GOLIM4: variants seen among roughly 807,000 people sequenced by gnomAD.
The protein encoded by GOLIM4 is 130 kDa golgi-localized phosphoprotein.
GOLIM4 carries 71 observed loss-of-function variants against 107.4 expected under a neutral mutation model. The ratio of observed to expected loss-of-function variants is 0.66; its 90% CI spans 0.55 to 0.81. GOLIM4 has a LOEUF of 0.81. GOLIM4 is among the 30% of genes least tolerant of loss of function. GOLIM4 has a pLI of 0.00. For missense variants in GOLIM4, 830 were observed against 826.1 expected (o/e 1.00, Z -0.06); for synonymous variants, 327 against 294.8 (o/e 1.11, Z -1.12).
chr3:168,068,959 C>T (rs1720699217), intron 1 of GOLIM4, among the ~76,000 whole-genome samples: 1 of 151,904 alleles, frequency 6.6e-6, no homozygotes, highest in Admixed American at 6.6e-5. Flanking sequence ...GCCTCAGCCT[C>T]CTGAGTAGCT....
At chr3:168,071,243 G>A (rs927765042) in intron 1 of GOLIM4, among the ~76,000 whole-genome samples, 1 of 152,178 alleles carries the variant, frequency 6.6e-6, no homozygotes, top group Non-Finnish European at 1.5e-5. Context: ...TTGCATTCAA[G>A]TTCCTTCTAT....
At chr3:168,046,819 A>AAAT in intron 3 of GOLIM4, 131 bp downstream of exon 3, 1 of 440,094 alleles carries the variant, frequency 2.3e-6, no homozygotes, top group African/African-American at 2.1e-5. Context: ...AAAAAAAAAA[A>AAAT]GGGGGTGTCA....
intron 14 of GOLIM4, among the ~76,000 whole-genome samples, chr3:168,014,629 A>C (rs1184768747): frequency 7.2e-6 from 1 of 138,552 alleles, no homozygotes; most frequent in African/African-American, 3.4e-5. Context: ...ACATTGATGC[A>C]AAAATCCTCA....
At chr3:168,027,306 A>G (rs2108224519) in intron 12 of GOLIM4, among the ~76,000 whole-genome samples, 1 of 151,752 alleles carries the variant, frequency 6.6e-6, no homozygotes. Flanking sequence ...AATACCTAAC[A>G]CTCTAGCAGA....
At position 168,051,712 on chromosome 3, in the gene GOLIM4, G is replaced by A. The variant is rs78068343; in HGVS notation, c.188-3347C>T. 1.3e-3 allele frequency among the ~76,000 whole-genome samples: 201 copies of A among 152,280 alleles called. 1 individual carries two copies. The East Asian group carries it at 0.014, about 10-fold the overall frequency. The stretch of plus-strand genomic sequence containing the variant: ...TATCTTACTCAGAACTGGACAAGCC[G>A]TCGTTATAACAGCAGCTTCTAATCC... On this transcript the variant is annotated intron_variant, in intron 1 of 15. Coordinates refer to ENST00000470487, the MANE Select transcript of GOLIM4 (RefSeq NM_014498.5).
intron 1 of GOLIM4, among the ~76,000 whole-genome samples, chr3:168,076,264 T>C (rs1281300244): frequency 1.3e-5 from 2 of 152,226 alleles, no homozygotes; most frequent in East Asian, 3.8e-4. Flanking sequence ...AAGTAAAGCA[T>C]TACATATGTT....
At chr3:168,043,047 T>G (rs973756766) in intron 5 of GOLIM4, among the ~76,000 whole-genome samples, 1 of 152,212 alleles carries the variant, frequency 6.6e-6, no homozygotes, top group African/African-American at 2.4e-5. Flanking sequence ...AGAAGCATTA[T>G]AGCATTTAGT....
rs1163874710 is a variant in GOLIM4, at chr3:168,032,778, A to G, written c.918T>C (p.Ala306=). The G allele has an allele frequency of 6.2e-7, 1 of 1,613,966 alleles. No homozygotes were observed. The highest frequency in any genetic ancestry group is 8.5e-7 in the Non-Finnish European group (1 of 1,179,970). ...PGRAEDTKLY[A]PTHKEAEFQA... ...GAAATTCTGCCTCCTTATGGGTGGGAGCATAGAGTTTTGTGTCTTCTGCTC... is the reference window on the plus strand; with the variant it reads ...GAAATTCTGCCTCCTTATGGGTGGGGGCATAGAGTTTTGTGTCTTCTGCTC... Residue 306 remains alanine, a synonymous_variant, in exon 9 of 16, where the codon GCT becomes GCC. Coordinates refer to ENST00000470487, the MANE Select transcript of GOLIM4 (RefSeq NM_014498.5).
At chr3:168,016,015 G>A (rs1245294748) in intron 14 of GOLIM4, among the ~76,000 whole-genome samples, 2 of 133,502 alleles carry the variant, frequency 1.5e-5, no homozygotes, top group Non-Finnish European at 3.0e-5. Flanking sequence ...CAAAAGCAAT[G>A]GCAACAAAAG....
chr3:168,025,092 C>T lies in GOLIM4; in HGVS notation c.1627G>A (p.Ala543Thr). 5 of 1,602,834 alleles carry T rather than the reference C, an allele frequency of 3.1e-6. No homozygotes were observed. Among genetic ancestry groups the T allele is most frequent in the Non-Finnish European group, 4.3e-6 (5 of 1,175,918 alleles). Residue 543 changes from alanine (A) to threonine (T), a missense_variant, in exon 13 of 16, where the codon GCA becomes ACA. By Grantham distance (58) the Ala-to-Thr change is moderately conservative. Transcript: ENST00000470487. ...EADPESEADR[A>T]AVEDINPADD... The stretch of plus-strand genomic sequence containing the variant: ...GCTGGGTTTATATCTTCTACAGCTG[C>T]CCTCTGTAAAATTTTAATAAAAAGC...
chr3:168,091,889 T>TA (rs1721934377), intron 1 of GOLIM4, among the ~76,000 whole-genome samples: 1 of 152,194 alleles, frequency 6.6e-6, no homozygotes, highest in Admixed American at 6.5e-5. Flanking sequence ...CATACTCAGA[T>TA]AAAAAATTCA....
chr3:168,064,413 T>C (rs1489352380), intron 1 of GOLIM4, among the ~76,000 whole-genome samples: 1 of 152,188 alleles, frequency 6.6e-6, no homozygotes, highest in Non-Finnish European at 1.5e-5. Context: ...TATCAATTAT[T>C]TCATGAAATT....
At chr3:168,027,653 C>A in intron 12 of GOLIM4, 75 bp downstream of exon 12, 1 of 853,080 alleles carries the variant, frequency 1.2e-6, no homozygotes, top group Non-Finnish European at 2.0e-6. Flanking sequence ...TGAAGGCTGG[C>A]ATCAGGCAAG....
At chr3:168,094,408 T>C (rs1021188160) in intron 1 of GOLIM4, among the ~76,000 whole-genome samples, 17 of 152,220 alleles carry the variant, frequency 1.1e-4, no homozygotes, top group Middle Eastern at 3.2e-3. Flanking sequence ...AAGTAAAAGC[T>C]ACTTAGGAAG....
At chr3:168,075,290 T>TG (rs1721015359) in intron 1 of GOLIM4, among the ~76,000 whole-genome samples, 2 of 80,534 alleles carry the variant, frequency 2.5e-5, no homozygotes, top group South Asian at 3.9e-4. Context: ...TCACTAGTTT[T>TG]TTTTTTTTTT....
chr3:168,026,024 T>C (rs565003667), intron 12 of GOLIM4, among the ~76,000 whole-genome samples: 1 of 152,314 alleles, frequency 6.6e-6, no homozygotes, highest in South Asian at 2.1e-4. Context: ...TAAGAGACAG[T>C]AAAGCCACAG....
At chr3:168,091,257 C>T (rs1721894029) in intron 1 of GOLIM4, among the ~76,000 whole-genome samples, 1 of 152,172 alleles carries the variant, frequency 6.6e-6, no homozygotes, top group Admixed American at 6.5e-5. Context: ...TGGATGGTTT[C>T]TCCTTATCCC....
At chr3:168,075,367 G>A (rs1721027090) in intron 1 of GOLIM4, among the ~76,000 whole-genome samples, 1 of 142,118 alleles carries the variant, frequency 7.0e-6, no homozygotes, top group Admixed American at 7.1e-5. Flanking sequence ...CGGGATCTCG[G>A]CTCACTGCAA....
chr3:168,075,768 C>G (rs1280336672), intron 1 of GOLIM4, among the ~76,000 whole-genome samples: 1 of 152,104 alleles, frequency 6.6e-6, no homozygotes, highest in Non-Finnish European at 1.5e-5. Flanking sequence ...GGGAAACAGC[C>G]ACTGACAAAT....
Sources: gnomAD v4.1 joint callset for allele counts (sites outside exome capture counted in the v4.1 genomes callset) on GRCh38, gnomAD v4.1.1 for gene constraint, MANE v1.5 for transcripts, NCBI Gene and HGNC (gene_info 2026-07-23, HGNC 2026-07-21) for gene names.